CAMK2G: variants seen among roughly 807,000 people sequenced by gnomAD.
CAMK2G encodes calcium/calmodulin-dependent protein kinase type II subunit gamma.
CAMK2G carries 23 observed loss-of-function variants against 88.7 expected under a neutral mutation model. The ratio of observed to expected loss-of-function variants is 0.26; its 90% CI spans 0.19 to 0.37. The LOEUF (loss-of-function observed/expected upper bound fraction) is 0.37. CAMK2G is among the 10% of genes least tolerant of loss of function. CAMK2G has a pLI of 1.00. For missense variants in CAMK2G, 476 were observed against 780.8 expected (o/e 0.61, Z 4.65); for synonymous variants, 263 against 294.8 (o/e 0.89, Z 1.11).
chr10:73,817,188 G>A, intron 20 of CAMK2G, 71 bp from the exon 21 acceptor site: 1 of 1,539,408 alleles, frequency 6.5e-7, no homozygotes, highest in African/African-American at 1.4e-5. Context: ...CTTATCAGCG[G>A]TGTCTATCCA....
chr10:73,839,546 G>A lies in CAMK2G; in HGVS notation c.1002C>T (p.Ala334=), dbSNP rs1234079545. 4.3e-5 allele frequency: 53 copies of A among 1,234,756 alleles called. No individual in the cohort carries two copies. The highest frequency in any genetic ancestry group is 5.3e-5 in the Non-Finnish European group (52 of 987,666). The allele number at this position is 1,234,756 out of a possible 1,614,324, so 76.5% of individuals were successfully genotyped here. Residue 334 remains alanine (A), a synonymous_variant, in exon 13 of 23, where the codon GCC becomes GCT. Transcript: ENST00000423381. This position sits in a 1 kb window ranked among gnomAD's most constrained non-coding sequence, Gnocchi z 4.2. ...AGGACTCATGCCACGTACCTTGCCC[G>A]GCCAGGCCGGCGGCGCTCGCGGCAG... The part of the protein sequence containing the change: ...ASPAASAAGL[A]GQAAKSLLNK...
At chr10:73,817,294 G>T (rs2085974826) in intron 20 of CAMK2G, among the ~76,000 whole-genome samples, 177 bp from the exon 21 acceptor site, 1 of 152,192 alleles carries the variant, frequency 6.6e-6, no homozygotes, top group Admixed American at 6.5e-5. Flanking sequence ...TCGGCCCACT[G>T]CCAGGATACC....
At position 73,817,090 on chromosome 10, in the gene CAMK2G, G is replaced by C. The variant is rs1311901411; in HGVS notation, c.1467C>G (p.Ser489=). 1.9e-6 allele frequency: 3 copies of C among 1,613,534 alleles called. No individual in the cohort carries two copies. The highest frequency in any genetic ancestry group is 2.2e-5 in the East Asian group (1 of 44,878). ...YTKICDPGLT[S]FEPEALGNLV... ...GGTTACCAAGGGCCTCAGGCTCAAA[G>C]GAAGTGAGGCCTGGATCACAAATCT... Residue 489 remains serine (S), a synonymous_variant, in exon 21 of 23, where the codon TCC becomes TCG. Transcript: ENST00000423381.
chr10:73,817,127 G>T lies in CAMK2G; in HGVS notation c.1440-10C>A. The stretch of plus-strand genomic sequence containing the variant: ...TGGATCACAAATCTTCCTACAGGGA[G>T]AAAAAAAAAAGCAGCCTATCAGGCT... On this transcript the variant is annotated splice_polypyrimidine_tract_variant and intron_variant, in intron 20 of 22. Transcript: ENST00000423381. 7.1e-7 allele frequency: 1 copy of T among 1,413,192 alleles called. No homozygotes were observed. Among genetic ancestry groups the T allele is most frequent in the Non-Finnish European group, 9.6e-7 (1 of 1,043,324 alleles). 87.5% of individuals were successfully genotyped at this position (1,413,192 alleles called of 1,614,324 possible).
At chr10:73,843,580 T>C (rs4745723) in intron 10 of CAMK2G, among the ~76,000 whole-genome samples, 27,588 of 151,874 alleles carry the variant, frequency 0.18, 2,611 homozygotes, top group South Asian at 0.24. Context: ...GAACAGAATA[T>C]TTCCCCCATT....
At chr10:73,829,898 TC>T (rs1422423540) in intron 14 of CAMK2G, among the ~76,000 whole-genome samples, 1 of 152,164 alleles carries the variant, frequency 6.6e-6, no homozygotes, top group Non-Finnish European at 1.5e-5. Context: ...CTTTGGTTTT[TC>T]CCCAGGCTAA....
At chr10:73,823,348 T>C (rs1485945107) in intron 17 of CAMK2G, among the ~76,000 whole-genome samples, 1 of 152,202 alleles carries the variant, frequency 6.6e-6, no homozygotes, top group Admixed American at 6.5e-5. Context: ...CCCAAGTAGC[T>C]GGGACTACAG....
intron 14 of CAMK2G, among the ~76,000 whole-genome samples, chr10:73,832,179 CTGG>C: frequency 6.6e-6 from 1 of 152,112 alleles, no homozygotes; most frequent in Admixed American, 6.6e-5. Context: ...TTCCCATCAC[CTGG>C]TGAAGTTACT....
chr10:73,865,657 C>G (rs776789343), intron 2 of CAMK2G, among the ~76,000 whole-genome samples: 9 of 152,178 alleles, frequency 5.9e-5, no homozygotes, highest in Non-Finnish European at 1.0e-4. Context: ...GGCATCCCAG[C>G]TGGACGCAGC....
chr10:73,824,378 G>A (rs990986560), intron 16 of CAMK2G, among the ~76,000 whole-genome samples: 14 of 152,200 alleles, frequency 9.2e-5, no homozygotes, highest in Admixed American at 7.9e-4. Flanking sequence ...TCAGTTCTGA[G>A]GGCTCTTTCC....
intron 14 of CAMK2G, 121 bp from the exon 15 acceptor site, chr10:73,828,242 G>A: frequency 1.3e-6 from 1 of 786,442 alleles, no homozygotes; most frequent in Non-Finnish European, 2.2e-6. Context: ...AGAGCGGAGG[G>A]AGACCCGGAG....
chr10:73,825,574 A>G (rs1395121409), intron 15 of CAMK2G, among the ~76,000 whole-genome samples: 4 of 152,138 alleles, frequency 2.6e-5, no homozygotes, highest in Non-Finnish European at 4.4e-5. Context: ...GACCAGCCCA[A>G]AGCCTTGTTT....
Position 73,847,258 on chromosome 10 carries a change from C to T in CAMK2G, c.786G>A (p.Thr262=), listed in dbSNP as rs201255317. ...ACGGGTGCTTGAGAGCCTGGTCAGCCGTGATGCGCTTTGCTGGGTTTATGG... is the reference window on the plus strand; with the variant it reads ...ACGGGTGCTTGAGAGCCTGGTCAGCTGTGATGCGCTTTGCTGGGTTTATGG... ...MLTINPAKRI[T]ADQALKHPWV... Residue 262 remains threonine, a synonymous_variant, in exon 10 of 23, where the codon ACG becomes ACA. Transcript: ENST00000423381. 69 of 1,614,052 alleles carry T rather than the reference C, an allele frequency of 4.3e-5. No individual in the cohort carries two copies. Among genetic ancestry groups the T allele is most frequent in the Admixed American group, 1.7e-4 (10 of 59,998 alleles).
At position 73,874,277 on chromosome 10, in the gene CAMK2G, C is replaced by T. The variant is rs1591554267; in HGVS notation, c.65+120G>A. The T allele has an allele frequency of 1.9e-5, 7 of 366,270 alleles. No homozygotes were observed. In the South Asian group the frequency reaches 1.2e-3, roughly 62 times the overall value. The allele number at this position is 366,270 out of a possible 1,614,324, so 22.7% of individuals were successfully genotyped here. On this transcript the variant is annotated intron_variant, in intron 1 of 22. Transcript: ENST00000423381. ...GACCGAAGGCGGCGGGCGGGAAAGG[C>T]GGGGGTGGGGCGGCCGAGGGGGAGC...
intron 2 of CAMK2G, among the ~76,000 whole-genome samples, chr10:73,866,555 C>T (rs192973786): frequency 1.3e-5 from 2 of 152,288 alleles, no homozygotes; most frequent in Admixed American, 6.5e-5. Context: ...AAAGGATGCA[C>T]ATTCCTACTC....
intron 14 of CAMK2G, among the ~76,000 whole-genome samples, chr10:73,830,008 G>A (rs917181392): frequency 1.3e-5 from 2 of 152,172 alleles, no homozygotes; most frequent in African/African-American, 4.8e-5. Context: ...CTGATTTTCA[G>A]GGGCTTGTTG....
chr10:73,820,492 A>ATATATATATATTTTT (rs1554995765), intron 18 of CAMK2G, among the ~76,000 whole-genome samples: 1 of 51,060 alleles, frequency 2.0e-5, no homozygotes, highest in Non-Finnish European at 3.4e-5. Flanking sequence ...ATATATATAT[A>ATATATATATATTTTT]TTTTTTTTTT....
chr10:73,825,297 C>G lies in CAMK2G; in HGVS notation c.1137G>C (p.Ala379=). 6.2e-7 allele frequency: 1 copy of G among 1,613,682 alleles called. No homozygotes were observed. Among genetic ancestry groups the G allele is most frequent in the Non-Finnish European group, 8.5e-7 (1 of 1,179,574 alleles). ...NSLVSPAQEP[A]PLQTAMEPQT... is the part of the protein sequence containing the mutation. ...GAGGTACCATGGCCGTCTGCAAGGGCGCGGGCTCTTGGGCTGGGCTTACGA... is the reference window on the plus strand; with the variant it reads ...GAGGTACCATGGCCGTCTGCAAGGGGGCGGGCTCTTGGGCTGGGCTTACGA... The change falls in exon 16 of 23, where the codon GCG becomes GCC. Residue 379 remains alanine, a synonymous_variant. Coordinates refer to ENST00000423381, the MANE Select transcript of CAMK2G (RefSeq NM_001367534.1).
intron 14 of CAMK2G, among the ~76,000 whole-genome samples, chr10:73,833,719 C>T (rs1295856128): frequency 1.3e-5 from 2 of 151,696 alleles, no homozygotes; most frequent in African/African-American, 2.4e-5. Context: ...CTATCTCAGC[C>T]TCCCGAGTAG....
Sources: allele counts gnomAD v4.1 joint callset (sites outside exome capture counted in the v4.1 genomes callset), GRCh38; gene constraint gnomAD v4.1.1; non-coding constraint Gnocchi (gnomAD v3.1); transcripts MANE v1.5; gene names NCBI Gene and HGNC (gene_info 2026-07-23, HGNC 2026-07-21).